Variants in BCAR3 observed in about 807,000 individuals in gnomAD.
BCAR3 encodes the protein breast cancer anti-estrogen resistance protein 3.
A neutral mutation model predicts 80.1 loss-of-function variants in BCAR3; 37 were observed. The observed-to-expected ratio is 0.46, with a 90% CI of 0.36 to 0.61. The LOEUF is 0.61. BCAR3 is among the 20% of genes least tolerant of loss of function. The pLI, the probability that BCAR3 is intolerant of heterozygous loss-of-function variation, is 0.00. For synonymous variants in BCAR3, 389 were observed against 418.9 expected (o/e 0.93, Z 0.87); for missense variants, 978 against 1,068.2 (o/e 0.92, Z 1.18).
At chr1:93,702,477 C>T (rs1237493480) in intron 3 of BCAR3, among the ~76,000 whole-genome samples, 2 of 152,050 alleles carry the variant, frequency 1.3e-5, no homozygotes, top group Non-Finnish European at 2.9e-5. Context: ...GTTCCCAGAC[C>T]CTGCAGCTGG....
intron 2 of BCAR3, among the ~76,000 whole-genome samples, chr1:93,765,187 C>G (rs1356595487): frequency 6.6e-6 from 1 of 152,202 alleles, no homozygotes; most frequent in East Asian, 1.9e-4. Context: ...ACTTGCTTTC[C>G]CTTTGTGTGT....
chr1:93,634,592 A>G (rs1570990744), intron 3 of BCAR3, among the ~76,000 whole-genome samples: 1 of 152,000 alleles, frequency 6.6e-6, no homozygotes, highest in Non-Finnish European at 1.5e-5. Flanking sequence ...CTACTTGGGA[A>G]GCTGAGGGAG....
At chr1:93,829,512 G>C (rs2100831272) in intron 2 of BCAR3, among the ~76,000 whole-genome samples, 1 of 151,640 alleles carries the variant, frequency 6.6e-6, no homozygotes, top group Admixed American at 6.6e-5. Context: ...ATGGTTTTGG[G>C]GCTGCTTTTT....
chr1:93,585,927 G>A (rs1482013239), intron 5 of BCAR3, among the ~76,000 whole-genome samples: 2 of 152,010 alleles, frequency 1.3e-5, no homozygotes, highest in Non-Finnish European at 2.9e-5. Flanking sequence ...AAAAAATTTT[G>A]TGCATACATA....
chr1:93,766,677 C>G (rs1335113750), intron 2 of BCAR3, among the ~76,000 whole-genome samples: 1 of 152,232 alleles, frequency 6.6e-6, no homozygotes, highest in Non-Finnish European at 1.5e-5. Flanking sequence ...TTCAGAAAAC[C>G]AGAGTCTCCT....
intron 2 of BCAR3, among the ~76,000 whole-genome samples, chr1:93,673,696 A>G (rs1163182109): frequency 1.2e-4 from 18 of 152,336 alleles, no homozygotes. Context: ...TTACAACCAT[A>G]AGGCTCATTT....
Position 93,669,017 on chromosome 1 carries a change from A to AT in BCAR3, c.317+5596dup, listed in dbSNP as rs556937806. On this transcript the variant is annotated intron_variant, in intron 2 of 11. Transcript: ENST00000260502. ...AATGAGCCACCGCACCCGGCCCAAG[A>AT]TTTTTTTTTTTAACTCAAAATCCAA... 7.0e-3 allele frequency among the ~76,000 whole-genome samples: 1,042 copies of AT among 149,172 alleles called. 15 individuals carry two copies. The highest frequency in any genetic ancestry group is 0.024 in the African/African-American group (982 of 40,852).
chr1:93,773,585 C>A (rs1652435396), intron 2 of BCAR3, among the ~76,000 whole-genome samples: 1 of 152,144 alleles, frequency 6.6e-6, no homozygotes, highest in Non-Finnish European at 1.5e-5. Flanking sequence ...GGACCCTGCT[C>A]ATGAAAGTCT....
intron 2 of BCAR3, among the ~76,000 whole-genome samples, chr1:93,781,535 C>A (rs909746771): frequency 1.3e-5 from 2 of 152,148 alleles, no homozygotes; most frequent in Non-Finnish European, 2.9e-5. Context: ...ATCATTTAAT[C>A]TTCATACAAT....
intron 2 of BCAR3, among the ~76,000 whole-genome samples, chr1:93,759,937 A>C (rs1197755627): frequency 6.6e-6 from 1 of 152,202 alleles, no homozygotes; most frequent in Non-Finnish European, 1.5e-5. Context: ...GGTCAATCAG[A>C]GATCTCCATT....
At chr1:93,759,076 A>G (rs1651845015) in intron 2 of BCAR3, among the ~76,000 whole-genome samples, 1 of 152,122 alleles carries the variant, frequency 6.6e-6, no homozygotes, top group African/African-American at 2.4e-5. Context: ...TCCCCAAACT[A>G]ACCTCACAAG....
At chr1:93,607,125 G>A (rs1232290007) in intron 3 of BCAR3, among the ~76,000 whole-genome samples, 1 of 152,142 alleles carries the variant, frequency 6.6e-6, no homozygotes, top group Non-Finnish European at 1.5e-5. Flanking sequence ...GGAGTGAGGG[G>A]CTGACAAATT....
chr1:93,789,701 G>A (rs1653075957), intron 2 of BCAR3, among the ~76,000 whole-genome samples: 1 of 152,162 alleles, frequency 6.6e-6, no homozygotes, highest in Non-Finnish European at 1.5e-5. Flanking sequence ...CCTACATGAA[G>A]TGCCATCATC....
intron 3 of BCAR3, among the ~76,000 whole-genome samples, chr1:93,693,593 T>C (rs1165230416): frequency 1.3e-5 from 2 of 152,202 alleles, no homozygotes; most frequent in African/African-American, 2.4e-5. Flanking sequence ...TCAGAATATA[T>C]TGATGATGAA....
chr1:93,800,174 A>T (rs1653425800), intron 2 of BCAR3, among the ~76,000 whole-genome samples: 1 of 152,146 alleles, frequency 6.6e-6, no homozygotes, highest in Non-Finnish European at 1.5e-5. Flanking sequence ...TGGACATGGA[A>T]GTGGTTTATT....
rs1649907200 is a variant in BCAR3, at chr1:93,708,628, G to C, written c.-62-2486C>G. Among the ~76,000 whole-genome samples the C allele has an allele frequency of 2.0e-5, 3 of 152,168 alleles. No individual in the cohort carries two copies. The South Asian group carries it at 6.2e-4, about 32-fold the overall frequency. On this transcript the variant is annotated intron_variant, in intron 2 of 13. Transcript: ENST00000370244. ...ACTGTACTGGCTGAATAAAACTTTG[G>C]GCTCACAGAAACCGGTTTCAGTTCA...
At chr1:93,701,604 C>A (rs1203702492) in intron 3 of BCAR3, among the ~76,000 whole-genome samples, 1 of 152,192 alleles carries the variant, frequency 6.6e-6, no homozygotes. Flanking sequence ...CTGCACAGAC[C>A]AACCACCGTG....
At chr1:93,726,931 T>G (rs1650606109) in intron 2 of BCAR3, among the ~76,000 whole-genome samples, 1 of 152,234 alleles carries the variant, frequency 6.6e-6, no homozygotes, top group Non-Finnish European at 1.5e-5. Flanking sequence ...TATCAAACAT[T>G]GGTGTTTTTT....
At chr1:93,763,732 C>G (rs1652040668) in intron 2 of BCAR3, among the ~76,000 whole-genome samples, 1 of 152,220 alleles carries the variant, frequency 6.6e-6, no homozygotes, top group African/African-American at 2.4e-5. Context: ...TCTTCCACCC[C>G]ACTGGTGTGC....
Sources: gnomAD v4.1 joint callset for allele counts (sites outside exome capture counted in the v4.1 genomes callset) on GRCh38, gnomAD v4.1.1 for gene constraint, MANE v1.5 for transcripts, NCBI Gene and HGNC (gene_info 2026-07-23, HGNC 2026-07-21) for gene names.